MSRA: variants seen among roughly 807,000 people sequenced by gnomAD.
MSRA encodes the protein methionine sulfoxide reductase A.
A neutral mutation model predicts 31.3 loss-of-function variants in MSRA; 54 were observed. That is an observed-to-expected ratio of 1.73 (90% CI 1.39 to 2.17). The LOEUF (loss-of-function observed/expected upper bound fraction) is 2.17, where lower values mean the gene tolerates loss of function less well. Ranked by LOEUF, MSRA falls within the 30% of genes most tolerant of loss-of-function variation. The probability of loss-of-function intolerance (pLI) is 0.00; values close to 1 mark genes in which losing one functional copy is unlikely to be tolerated. For synonymous variants in MSRA, 169 were observed against 116.5 expected, an observed-to-expected ratio of 1.45 and a Z score of -2.90; for missense variants, 507 against 300.9, an observed-to-expected ratio of 1.69 and a Z score of -5.07.
chr8:10,095,115 A>T (rs749647436), intron 1 of MSRA, among the ~76,000 whole-genome samples: 57 of 152,210 alleles, frequency 3.7e-4, no homozygotes, highest in Non-Finnish European at 6.6e-4. Context: ...CTATTCTCCC[A>T]TGAGTCTTTG....
chr8:10,282,573 C>G (rs576370901), intron 3 of MSRA, among the ~76,000 whole-genome samples: 2 of 152,272 alleles, frequency 1.3e-5, no homozygotes, highest in African/African-American at 2.4e-5. Flanking sequence ...ACAGAGCAGC[C>G]ATAGTGGCAC....
chr8:10,346,249 C>A (rs1803767190), intron 5 of MSRA, among the ~76,000 whole-genome samples: 1 of 152,178 alleles, frequency 6.6e-6, no homozygotes, highest in Admixed American at 6.5e-5. Flanking sequence ...TGAACCTAGT[C>A]CTGAAAATAT....
chr8:10,409,345 C>T (rs375753026), intron 5 of MSRA, among the ~76,000 whole-genome samples: 4 of 152,098 alleles, frequency 2.6e-5, no homozygotes, highest in Non-Finnish European at 5.9e-5. Flanking sequence ...TTTTCATATG[C>T]TTGTGGGCCG....
chr8:10,218,104 G>C (rs1250327633), intron 2 of MSRA, among the ~76,000 whole-genome samples: 3 of 148,466 alleles, frequency 2.0e-5, no homozygotes, highest in East Asian at 4.0e-4. Context: ...TTTAACACCC[G>C]GTTCCTTTTC....
At chr8:10,067,189 A>G (rs1027613728) in intron 1 of MSRA, among the ~76,000 whole-genome samples, 8 of 152,080 alleles carry the variant, frequency 5.3e-5, no homozygotes, top group African/African-American at 1.9e-4. Context: ...CCCCTTCCCA[A>G]GAACCCCTTG....
At chr8:10,193,332 G>A (rs549827979) in intron 1 of MSRA, among the ~76,000 whole-genome samples, 17 of 152,282 alleles carry the variant, frequency 1.1e-4, no homozygotes, top group Non-Finnish European at 1.0e-4. Flanking sequence ...GAGACACTGC[G>A]CAGGCTCCAG....
intron 5 of MSRA, among the ~76,000 whole-genome samples, chr8:10,373,689 G>A (rs754267483): frequency 3.3e-5 from 5 of 152,264 alleles, no homozygotes; most frequent in Non-Finnish European, 4.4e-5. Context: ...CATGACTGCA[G>A]GCACAGGGGG....
At chr8:10,325,898 G>A (rs1046887617) in intron 5 of MSRA, among the ~76,000 whole-genome samples, 1 of 152,166 alleles carries the variant, frequency 6.6e-6, no homozygotes, top group Non-Finnish European at 1.5e-5. Flanking sequence ...GGTGTTTAAG[G>A]TAGGGAGGGT....
chr8:10,235,470 A>T (rs1408973814), intron 2 of MSRA, among the ~76,000 whole-genome samples: 1 of 152,140 alleles, frequency 6.6e-6, no homozygotes, highest in Middle Eastern at 3.2e-3. Flanking sequence ...AATAATTCAT[A>T]TCAAGAAGGT....
intron 5 of MSRA, among the ~76,000 whole-genome samples, chr8:10,373,395 G>C (rs370000174): frequency 4.6e-5 from 7 of 152,260 alleles, no homozygotes; most frequent in African/African-American, 1.7e-4. Context: ...GGGTCTTGCT[G>C]TGTTGCTGTG....
intron 4 of MSRA, among the ~76,000 whole-genome samples, chr8:10,312,003 A>C (rs1031203038): frequency 1.3e-5 from 2 of 152,236 alleles, no homozygotes; most frequent in Non-Finnish European, 2.9e-5. Context: ...TAATTAAAAT[A>C]CTGTATGTTA....
chr8:10,070,583 A>G (rs1277431107), intron 1 of MSRA, among the ~76,000 whole-genome samples: 1 of 152,214 alleles, frequency 6.6e-6, no homozygotes, highest in Non-Finnish European at 1.5e-5. Flanking sequence ...ACAATGACAG[A>G]GTCAATATAC....
At chr8:10,321,132 T>A (rs186091527) in intron 5 of MSRA, among the ~76,000 whole-genome samples, 52 of 152,330 alleles carry the variant, frequency 3.4e-4, no homozygotes, top group Middle Eastern at 3.4e-3. Context: ...TACCCTTTTT[T>A]AAAATCCTCC....
intron 5 of MSRA, among the ~76,000 whole-genome samples, chr8:10,340,025 G>C (rs113630995): frequency 3.3e-5 from 5 of 152,178 alleles, no homozygotes; most frequent in African/African-American, 1.2e-4. Flanking sequence ...TACAATGATA[G>C]AGCTATCAGC....
At chr8:10,140,961 A>G (rs934383923) in intron 1 of MSRA, among the ~76,000 whole-genome samples, 6 of 152,196 alleles carry the variant, frequency 3.9e-5, no homozygotes, top group African/African-American at 1.4e-4. Context: ...CCATACACCT[A>G]AAGATGAATA....
In MSRA at chr8:10,236,670, G is replaced by C. The variant is rs191368511; in HGVS notation, c.212-8434G>C. 6.8e-3 allele frequency among the ~76,000 whole-genome samples: 1,034 copies of C among 152,168 alleles called. 34 individuals carry two copies. The highest frequency in any genetic ancestry group is 0.059 in the Admixed American group (903 of 15,288). ...AGCGATTCTCCTGCCTCAGCCTCCT[G>C]AGTAGCTGGGACTACAGGTGCACGC... On this transcript the variant is annotated intron_variant, in intron 2 of 5. Transcript: ENST00000317173.
At chr8:10,059,135 T>G (rs911098933) in intron 1 of MSRA, 1 of 152,158 alleles carries the variant, frequency 6.6e-6, no homozygotes, top group Non-Finnish European at 1.5e-5. Flanking sequence ...AGGTGAAATA[T>G]TCAATAAATG....
chr8:10,203,692 A>G (rs978052460), intron 1 of MSRA, among the ~76,000 whole-genome samples: 1 of 152,252 alleles, frequency 6.6e-6, no homozygotes, highest in African/African-American at 2.4e-5. Flanking sequence ...TGTATTTGCT[A>G]TACTATACTT....
chr8:10,163,794 G>T (rs897512086), intron 1 of MSRA, among the ~76,000 whole-genome samples: 20 of 152,234 alleles, frequency 1.3e-4, no homozygotes, highest in African/African-American at 4.6e-4. Flanking sequence ...GGGGCCACAG[G>T]CCCTACCCAG....
Sources: gnomAD v4.1 joint callset for allele counts (sites outside exome capture counted in the v4.1 genomes callset) on GRCh38, gnomAD v4.1.1 for gene constraint, MANE v1.5 for transcripts, NCBI Gene and HGNC (gene_info 2026-07-23, HGNC 2026-07-21) for gene names.